Variants in ARFGEF2 observed in about 807,000 individuals in gnomAD.
ARFGEF2 encodes the protein brefeldin A-inhibited guanine nucleotide-exchange protein 2.
In ARFGEF2, 74 loss-of-function variants were observed where a neutral mutation model predicts 219.9. The ratio of observed to expected loss-of-function variants is 0.34; its 90% CI spans 0.28 to 0.41. The LOEUF (loss-of-function observed/expected upper bound fraction) is 0.41, where lower values mean the gene tolerates loss of function less well. Among genes scored for constraint, ARFGEF2 ranks in the 10% least tolerant of loss-of-function variants. The probability of loss-of-function intolerance (pLI) is 1.00; values close to 1 mark genes in which losing one functional copy is unlikely to be tolerated. For synonymous variants in ARFGEF2, 733 were observed against 799.2 expected (o/e 0.92, Z 1.40); for missense variants, 1,743 against 2,218.3 (o/e 0.79, Z 4.30).
intron 9 of ARFGEF2, 124 bp downstream of exon 9, chr20:48,969,401 GGAAC>G: frequency 1.9e-6 from 3 of 1,575,552 alleles, no homozygotes; most frequent in Non-Finnish European, 2.6e-6. Context: ...TGTAAGTGCA[GGAAC>G]GGTTTTACAA....
In ARFGEF2 at chr20:49,025,179, G is replaced by A. The variant is rs2091594065; in HGVS notation, c.4756-134G>A. On this transcript the variant is annotated intron_variant, in intron 35 of 38. Coordinates refer to ENST00000371917, the MANE Select transcript of ARFGEF2 (RefSeq NM_006420.3). ...CAGAGTCTAAATGGAAATGTTTCAG[G>A]GTGTTGGGGAATAAGTGTGTCTTAT... is the stretch of plus-strand genomic sequence containing the variant. 5.6e-6 allele frequency: 5 copies of A among 897,302 alleles called. No individual in the cohort carries two copies. In the South Asian group the frequency reaches 7.1e-5, roughly 13 times the overall value. 55.6% of individuals were successfully genotyped at this position (897,302 alleles called of 1,614,324 possible). A position where few individuals can be genotyped will look rare whatever the true frequency, so the allele number is the denominator to read the frequency against.
intron 25 of ARFGEF2, chr20:48,999,333 A>G: frequency 2.5e-6 from 1 of 393,614 alleles, no homozygotes; most frequent in Non-Finnish European, 5.0e-6. Flanking sequence ...ACCAGACTGA[A>G]CTTCTTCCTC....
chr20:48,933,137 G>A (rs1288718766), intron 1 of ARFGEF2, among the ~76,000 whole-genome samples: 1 of 152,216 alleles, frequency 6.6e-6, no homozygotes, highest in Admixed American at 6.5e-5. Flanking sequence ...CTTTTCAGCT[G>A]CAGCTGCCCC....
intron 14 of ARFGEF2, among the ~76,000 whole-genome samples, chr20:48,981,647 T>C (rs2091296603): frequency 6.6e-6 from 1 of 152,244 alleles, no homozygotes; most frequent in Admixed American, 6.5e-5. Context: ...TCTTTTCACA[T>C]AGTCCCATAT....
In ARFGEF2 at chr20:48,963,175, C is replaced by CAAAAAAAAAAAAAAA. The variant is rs71337478; in HGVS notation, c.839-641_839-640insAAAAAAAAAAAAAAA. Among the ~76,000 whole-genome samples the CAAAAAAAAAAAAAAA allele has an allele frequency of 1.7e-4, 19 of 110,804 alleles. No individual in the cohort carries two copies. In the South Asian group the frequency reaches 2.8e-3, roughly 16 times the overall value. 72.7% of individuals were successfully genotyped at this position (110,804 alleles called of 152,430 possible). A position where few individuals can be genotyped will look rare whatever the true frequency, so the allele number is the denominator to read the frequency against. On this transcript the variant is annotated intron_variant, in intron 6 of 38. Coordinates refer to ENST00000371917, the MANE Select transcript of ARFGEF2 (RefSeq NM_006420.3). ...TGGGCAAGACAGCAAAACTCTGTCT[C>CAAAAAAAAAAAAAAA]AAAAAAAAAAAAAAGTAATGTTTAC... is the stretch of plus-strand genomic sequence containing the variant.
chr20:48,989,526 G>T, intron 19 of ARFGEF2, 30 bp from the exon 20 acceptor site: 1 of 1,614,224 alleles, frequency 6.2e-7, no homozygotes, highest in Non-Finnish European at 8.5e-7. Flanking sequence ...TAAAACTCTG[G>T]ATGTTATTGA....
chr20:48,935,936 C>CCGG (rs1455728315), intron 1 of ARFGEF2, among the ~76,000 whole-genome samples: 29 of 100,294 alleles, frequency 2.9e-4, no homozygotes, highest in African/African-American at 1.4e-3. Context: ...GGGCGGCTGG[C>CCGG]CGGGGGGGGG....
At position 49,028,542 on chromosome 20, in the gene ARFGEF2, A is replaced by G. The variant is rs1291260144; in HGVS notation, c.4937A>G (p.Lys1646Arg). 2 of 1,614,202 alleles carry G rather than the reference A, an allele frequency of 1.2e-6. No individual in the cohort carries two copies. The highest frequency in any genetic ancestry group is 2.2e-5 in the East Asian group (1 of 44,882). The change falls in exon 37 of 39, where the codon AAG becomes AGG. Residue 1646 changes from lysine (K) to arginine (R), a missense_variant. Around this residue, in one of 5 missense-constraint regions of ARFGEF2, gnomAD observed 578 missense variants for 664.0 expected, o/e 0.87. Transcript: ENST00000371917. Reference protein sequence around the residue: ...TVLWRAGFKGKSKPNLLKQET... With the variant: ...TVLWRAGFKGRSKPNLLKQET... ...GTCTGATCTCTAGGTTTTAAGGGCA[A>G]GTCTAAACCCAATCTTCTAAAACAA...
chr20:48,976,161 C>T lies in ARFGEF2; in HGVS notation c.1920C>T (p.Ile640=), dbSNP rs2091259824. The change falls in exon 14 of 39, where the codon ATC becomes ATT. Residue 640 remains isoleucine (I), a synonymous_variant. Coordinates refer to ENST00000371917, the MANE Select transcript of ARFGEF2 (RefSeq NM_006420.3). ...ATGACCCTGAGCAATTTGAGGTCAT[C>T]AAGCAACAAAAAGAAATCATTGAAC... ...VQDDPEQFEV[I]KQQKEIIEHG... is the part of the protein sequence containing the mutation. 1 of 1,613,960 alleles carries T rather than the reference C, an allele frequency of 6.2e-7. No individual in the cohort carries two copies. Among genetic ancestry groups the T allele is most frequent in the Non-Finnish European group, 8.5e-7 (1 of 1,180,048 alleles).
intron 14 of ARFGEF2, among the ~76,000 whole-genome samples, chr20:48,976,448 A>G (rs1464169319): frequency 6.6e-6 from 1 of 152,202 alleles, no homozygotes; most frequent in Non-Finnish European, 1.5e-5. Context: ...TCTAATGAAA[A>G]TAATAAAACC....
chr20:48,989,799 T>G (rs567640384), intron 20 of ARFGEF2, 115 bp downstream of exon 20: 1 of 1,471,390 alleles, frequency 6.8e-7, no homozygotes, highest in African/African-American at 1.4e-5. Context: ...AGCAAGCTAC[T>G]TACTTATGCC....
intron 14 of ARFGEF2, among the ~76,000 whole-genome samples, chr20:48,984,276 G>A (rs748422545): frequency 2.0e-5 from 3 of 152,118 alleles, no homozygotes; most frequent in Non-Finnish European, 2.9e-5. Context: ...CAAACATTCT[G>A]GAGAGGAGGA....
intron 12 of ARFGEF2, 141 bp from the exon 13 acceptor site, chr20:48,974,625 C>G: frequency 1.4e-6 from 1 of 693,002 alleles, no homozygotes; most frequent in Non-Finnish European, 2.6e-6. Context: ...CACTTCTTAG[C>G]TCTGGGTTTG....
Position 49,005,050 on chromosome 20 carries a change from C to T in ARFGEF2, c.3433-20C>T, listed in dbSNP as rs1474780804. On this transcript the variant is annotated intron_variant, in intron 25 of 38. Coordinates refer to ENST00000371917, the MANE Select transcript of ARFGEF2 (RefSeq NM_006420.3). ...TTATTACACTATACCTGTTTCACAT[C>T]AGTTCCTGTTCTTGTTCAGGTTGGC... 6.2e-7 allele frequency: 1 copy of T among 1,613,958 alleles called. No individual in the cohort carries two copies. The highest frequency in any genetic ancestry group is 1.3e-5 in the African/African-American group (1 of 74,910).
chr20:48,961,412 T>A (rs1286385884), intron 6 of ARFGEF2, among the ~76,000 whole-genome samples: 1 of 152,124 alleles, frequency 6.6e-6, no homozygotes, highest in Non-Finnish European at 1.5e-5. Context: ...CACCTCCACA[T>A]CTTGTCCCTT....
intron 34 of ARFGEF2, among the ~76,000 whole-genome samples, chr20:49,021,928 A>T (rs1402845090): frequency 1.3e-5 from 2 of 149,076 alleles, no homozygotes; most frequent in African/African-American, 5.0e-5. Flanking sequence ...CGGGCAGATC[A>T]CCTGAGGTCA....
In ARFGEF2 at chr20:48,953,762, A is replaced by G. The variant is rs938736539; in HGVS notation, c.810A>G (p.Ala270=). The G allele has an allele frequency of 5.6e-6, 9 of 1,613,954 alleles. No homozygotes were observed. The African/African-American group carries it at 1.2e-4, about 22-fold the overall frequency. ...SGKVSTENGD[A]PRERGSSLSG... ...AAGTAAGCACAGAAAATGGAGACGC[A>G]CCCAGAGAAAGAGGCTCATCACTGT... Residue 270 remains alanine, a synonymous_variant, in exon 6 of 39, where the codon GCA becomes GCG. Transcript: ENST00000371917.
At chr20:48,994,918 C>T (rs2091377508) in intron 22 of ARFGEF2, among the ~76,000 whole-genome samples, 1 of 152,048 alleles carries the variant, frequency 6.6e-6, no homozygotes, top group Admixed American at 6.6e-5. Flanking sequence ...ATTTGTGTCT[C>T]TAGGTTTTAA....
At chr20:48,998,270 C>T (rs750877323) in intron 24 of ARFGEF2, 37 bp downstream of exon 24, 26 of 1,614,000 alleles carry the variant, frequency 1.6e-5, no homozygotes, top group African/African-American at 5.3e-5. Flanking sequence ...CTGCAGAAGC[C>T]TCACGCTGTG....
Sources: allele counts gnomAD v4.1 joint callset (sites outside exome capture counted in the v4.1 genomes callset), GRCh38; gene constraint gnomAD v4.1.1; regional missense constraint gnomAD v4.1.1; transcripts MANE v1.5; gene names NCBI Gene and HGNC (gene_info 2026-07-23, HGNC 2026-07-21).